The following CLCA4 variants were observed in gnomAD, a reference collection of about 807,000 sequenced individuals.
CLCA4 encodes calcium-activated chloride channel regulator 4.
Under a neutral mutation model 78.9 loss-of-function variants are expected in CLCA4, and 69 were observed. The ratio of observed to expected loss-of-function variants is 0.87; its 90% CI spans 0.72 to 1.07. The LOEUF is 1.07. Among genes scored for constraint, CLCA4 ranks in the 50% least tolerant of loss-of-function variants. The pLI, the probability that CLCA4 is intolerant of heterozygous loss-of-function variation, is 0.00. For synonymous variants in CLCA4, 362 were observed against 375.8 expected (o/e 0.96, Z 0.42); for missense variants, 1,133 against 1,095.8 (o/e 1.03, Z -0.48).
chr1:86,565,707 A>G lies in CLCA4; in HGVS notation c.736-95A>G, dbSNP rs554716598. The G allele has an allele frequency of 1.5e-5, 11 of 724,082 alleles. No homozygotes were observed. The South Asian group carries it at 2.2e-4, about 14-fold the overall frequency. The allele number at this position is 724,082 out of a possible 1,614,324, so 44.9% of individuals were successfully genotyped here. A position where few individuals can be genotyped will look rare whatever the true frequency, so the allele number is the denominator to read the frequency against. On this transcript the variant is annotated intron_variant, in intron 5 of 13. Transcript: ENST00000370563. ...AATGATATTTCATTCAACAAACAAC[A>G]TATCTGCAGAAGACTTTTAAATTTT... is the stretch of plus-strand genomic sequence containing the variant.
At chr1:86,551,717 A>G (rs1172473128) in intron 1 of CLCA4, among the ~76,000 whole-genome samples, 1 of 152,230 alleles carries the variant, frequency 6.6e-6, no homozygotes, top group Non-Finnish European at 1.5e-5. Flanking sequence ...ACCGCCTGTC[A>G]GAAGGCACCA....
rs1650689388 is a variant in CLCA4 at position 86,580,573 on chromosome 1, T to A, written c.*228T>A. ...ATTTAATAGTTTCATTTATTTGTTA[T>A]TTTATTTGTAAGAAATAGTGATGAA... On this transcript the variant is annotated 3_prime_UTR_variant, in exon 14 of 14. Coordinates refer to ENST00000370563, the MANE Select transcript of CLCA4 (RefSeq NM_012128.4). 2 of 366,830 alleles carry A rather than the reference T, an allele frequency of 5.5e-6. No individual in the cohort carries two copies. The highest frequency in any genetic ancestry group is 9.6e-6 in the Non-Finnish European group (2 of 207,448). 22.7% of individuals were successfully genotyped at this position (366,830 alleles called of 1,614,324 possible).
At chr1:86,551,730 G>T (rs79077491) in intron 1 of CLCA4, among the ~76,000 whole-genome samples, 6 of 152,220 alleles carry the variant, frequency 3.9e-5, no homozygotes, top group Non-Finnish European at 7.3e-5. Context: ...AGGCACCACG[G>T]AGGGTCTCTG....
chr1:86,548,684 G>GAAAA (rs10615856), intron 1 of CLCA4, among the ~76,000 whole-genome samples: 5 of 94,148 alleles, frequency 5.3e-5, no homozygotes, highest in Non-Finnish European at 6.2e-5. Context: ...TCCCTCTCTG[G>GAAAA]AAAAAAAAAA....
intron 1 of CLCA4, among the ~76,000 whole-genome samples, chr1:86,552,113 A>G (rs1468246401): frequency 6.6e-6 from 1 of 152,248 alleles, no homozygotes; most frequent in Admixed American, 6.5e-5. Flanking sequence ...TCAGGCTATA[A>G]AAGTTCTAAT....
intron 3 of CLCA4, among the ~76,000 whole-genome samples, chr1:86,562,836 A>G (rs1165174507): frequency 1.4e-5 from 2 of 145,472 alleles, no homozygotes; most frequent in African/African-American, 2.6e-5. Context: ...CCCAGGCGAC[A>G]GTGCGAGACT....
intron 1 of CLCA4, among the ~76,000 whole-genome samples, chr1:86,555,637 C>T (rs1649816423): frequency 6.6e-6 from 1 of 152,128 alleles, no homozygotes; most frequent in Non-Finnish European, 1.5e-5. Context: ...AACATGATGC[C>T]TCCAGTTTTG....
At chr1:86,577,662 T>C (rs560846161) in intron 11 of CLCA4, among the ~76,000 whole-genome samples, 1 of 152,212 alleles carries the variant, frequency 6.6e-6, no homozygotes, top group East Asian at 1.9e-4. Context: ...TTATTATGCA[T>C]ACATAAATAT....
At chr1:86,573,044 A>G (rs1163022147) in intron 9 of CLCA4, 4 of 302,342 alleles carry the variant, frequency 1.3e-5, no homozygotes, top group African/African-American at 6.6e-5. Context: ...TTTTCAATGA[A>G]TGCATTTTAA....
At position 86,565,263 on chromosome 1, in the gene CLCA4, T is replaced by A; in HGVS notation, c.558-11T>A. The A allele has an allele frequency of 1.3e-6, 2 of 1,571,194 alleles. No homozygotes were observed. Among genetic ancestry groups the A allele is most frequent in the Non-Finnish European group, 1.7e-6 (2 of 1,159,648 alleles). ...CAGTTGCCTCAAAGATTAACTGTCA[T>A]ATATTTTCAGGTGTTCCGCAGGTAT... is the stretch of plus-strand genomic sequence containing the variant. On this transcript the variant is annotated splice_polypyrimidine_tract_variant and intron_variant, in intron 4 of 13. Coordinates refer to ENST00000370563, the MANE Select transcript of CLCA4 (RefSeq NM_012128.4).
Position 86,575,590 on chromosome 1 carries a change from A to G in CLCA4, c.1942A>G (p.Asn648Asp), listed in dbSNP as rs1261585158. 1 of 1,612,160 alleles carries G rather than the reference A, an allele frequency of 6.2e-7. No homozygotes were observed. The highest frequency in any genetic ancestry group is 8.5e-7 in the Non-Finnish European group (1 of 1,178,740). Residue 648 changes from asparagine to aspartate, a missense_variant, in exon 11 of 14, where the codon AAT (asparagine) becomes GAT (aspartate). Coordinates refer to ENST00000370563, the MANE Select transcript of CLCA4 (RefSeq NM_012128.4). Reference sequence around the variant, plus strand: ...TACAGAAGTTTTGGAACTTTTGGATAATGGTGCAGGTAATTCACAGGTTTT... The same window carrying G: ...TACAGAAGTTTTGGAACTTTTGGATGATGGTGCAGGTAATTCACAGGTTTT... ...GHTEVLELLD[N>D]GAGADSFKND...
Position 86,579,562 on chromosome 1 carries a change from A to ATTCTTACAT in CLCA4, c.2331_2332insTTCTTACAT (p.Pro777_Gly778insPheLeuHis). On this transcript the variant is annotated inframe_insertion, in exon 13 of 14. Coordinates refer to ENST00000370563, the MANE Select transcript of CLCA4 (RefSeq NM_012128.4). ...AGATTATTCTTACATGGACAGCACC[A>ATTCTTACAT]GGAGATAATTTTGATGTTGGAAAAG... is the stretch of plus-strand genomic sequence containing the variant. The ATTCTTACAT allele has an allele frequency of 6.6e-7, 1 of 1,511,570 alleles. No individual in the cohort carries two copies. The highest frequency in any genetic ancestry group is 9.0e-7 in the Non-Finnish European group (1 of 1,113,780). The allele number at this position is 1,511,570 out of a possible 1,614,324, so 93.6% of individuals were successfully genotyped here. A position where few individuals can be genotyped will look rare whatever the true frequency, so the allele number is the denominator to read the frequency against.
chr1:86,560,134 A>G, intron 2 of CLCA4, 62 bp downstream of exon 2: 9 of 1,556,952 alleles, frequency 5.8e-6, no homozygotes, highest in Non-Finnish European at 7.8e-6. Flanking sequence ...TTTTGCCACA[A>G]ATTATTTAAG....
chr1:86,550,732 A>C (rs537576948), intron 1 of CLCA4, among the ~76,000 whole-genome samples: 1 of 151,572 alleles, frequency 6.6e-6, no homozygotes, highest in Non-Finnish European at 1.5e-5. Flanking sequence ...ACAGAGCAAG[A>C]CTCTGTCTCA....
At chr1:86,577,469 A>C (rs1452140548) in intron 11 of CLCA4, among the ~76,000 whole-genome samples, 1 of 152,114 alleles carries the variant, frequency 6.6e-6, no homozygotes, top group Non-Finnish European at 1.5e-5. Flanking sequence ...GTGAGAATTA[A>C]ATCCTACACA....
At chr1:86,576,425 CT>C (rs1650524425) in intron 11 of CLCA4, among the ~76,000 whole-genome samples, 7 of 152,170 alleles carry the variant, frequency 4.6e-5, no homozygotes, top group Non-Finnish European at 8.8e-5. Flanking sequence ...TTAAGCCACC[CT>C]CCCACCCCAG....
chr1:86,559,497 C>A (rs761591683), intron 1 of CLCA4, among the ~76,000 whole-genome samples: 2 of 152,162 alleles, frequency 1.3e-5, no homozygotes, highest in Admixed American at 6.5e-5. Flanking sequence ...GACTTTATAT[C>A]TGATTCCATC....
chr1:86,552,140 T>C lies in CLCA4; in HGVS notation c.159+4862T>C, dbSNP rs552734223. On this transcript the variant is annotated intron_variant, in intron 1 of 13. Coordinates refer to ENST00000370563, the MANE Select transcript of CLCA4 (RefSeq NM_012128.4). ...AGTTCTAATGTCGCAGCAAAGGATA[T>C]TTATAGAAAAAATATACTTTTAAGA... is the stretch of plus-strand genomic sequence containing the variant. 1.2e-4 allele frequency among the ~76,000 whole-genome samples: 18 copies of C among 152,260 alleles called. No homozygotes were observed. In the South Asian group the frequency reaches 3.7e-3, roughly 32 times the overall value.
At chr1:86,563,285 T>TA (rs1402911441) in intron 3 of CLCA4, among the ~76,000 whole-genome samples, 1 of 151,714 alleles carries the variant, frequency 6.6e-6, no homozygotes. Context: ...CTATGTGTCT[T>TA]AAATACCATA....
Sources: gnomAD v4.1 joint callset for allele counts (sites outside exome capture counted in the v4.1 genomes callset) on GRCh38, gnomAD v4.1.1 for gene constraint, MANE v1.5 for transcripts, NCBI Gene and HGNC (gene_info 2026-07-23, HGNC 2026-07-21) for gene names.